Variants in RMDN2 observed in about 807,000 individuals in gnomAD.
The protein encoded by RMDN2 is regulator of microtubule dynamics protein 2.
Under a neutral mutation model 52.8 loss-of-function variants are expected in RMDN2, and 61 were observed. The ratio of observed to expected loss-of-function variants is 1.16; its 90% CI spans 0.94 to 1.43. The LOEUF (loss-of-function observed/expected upper bound fraction) is 1.43, where lower values mean the gene tolerates loss of function less well. Among genes scored for constraint, RMDN2 ranks in the 40% most tolerant of loss-of-function variants. The pLI is 0.00. For missense variants in RMDN2, 592 were observed against 475.3 expected, an observed-to-expected ratio of 1.25 and a Z score of -2.28; for synonymous variants, 180 against 153.1, an observed-to-expected ratio of 1.18 and a Z score of -1.30.
chr2:38,017,142 A>G (rs1273545411), intron 10 of RMDN2, 44 bp from the exon 11 acceptor site: 6 of 1,248,668 alleles, frequency 4.8e-6, no homozygotes, highest in Non-Finnish European at 5.6e-6. Flanking sequence ...GAGTATCAAG[A>G]TGAATGCATG....
chr2:38,045,510 A>G (rs1396711160), intron 10 of RMDN2, among the ~76,000 whole-genome samples: 2 of 152,264 alleles, frequency 1.3e-5, no homozygotes, highest in African/African-American at 4.8e-5. Context: ...CTCACCTTTT[A>G]GAATGGTGGA....
intron 10 of RMDN2, among the ~76,000 whole-genome samples, chr2:38,052,209 T>C (rs1681645241): frequency 6.6e-6 from 1 of 152,300 alleles, no homozygotes; most frequent in East Asian, 1.9e-4. Flanking sequence ...ATAATAGACA[T>C]TGTAACTGTG....
upstream of RMDN2, among the ~76,000 whole-genome samples, chr2:37,921,666 C>T (rs1272342575): frequency 6.6e-6 from 1 of 152,060 alleles, no homozygotes. Context: ...ATGAAGAGTC[C>T]CTTCAAGTGT....
At chr2:37,997,571 C>T (rs774019690) in intron 8 of RMDN2, 57 bp downstream of exon 8, 2 of 1,083,192 alleles carry the variant, frequency 1.8e-6, no homozygotes, top group South Asian at 2.6e-5. Context: ...TGCACCAATC[C>T]CTGCTGCCGT....
At position 37,991,310 on chromosome 2, in the gene RMDN2, C is replaced by T. The variant is rs1159945737; in HGVS notation, c.945+13C>T. ...ATACTGCTATACTGTAAGTTGAATG[C>T]CTTTATTTATAAACTTTATTTGAAT... On this transcript the variant is annotated intron_variant, in intron 7 of 10. Coordinates refer to ENST00000354545, the MANE Select transcript of RMDN2 (RefSeq NM_001170791.3). 4 of 1,331,002 alleles carry T rather than the reference C, an allele frequency of 3.0e-6. No individual in the cohort carries two copies. The South Asian group carries it at 4.8e-5, about 16-fold the overall frequency. 82.4% of individuals were successfully genotyped at this position (1,331,002 alleles called of 1,614,324 possible). A position where few individuals can be genotyped will look rare whatever the true frequency, so the allele number is the denominator to read the frequency against.
At chr2:37,980,305 T>C (rs1673130192) in intron 4 of RMDN2, among the ~76,000 whole-genome samples, 1 of 152,152 alleles carries the variant, frequency 6.6e-6, no homozygotes, top group Non-Finnish European at 1.5e-5. Flanking sequence ...ATTATTATTT[T>C]TGGTTTTTTT....
intron 2 of RMDN2, chr2:37,950,378 C>G: frequency 1.4e-6 from 2 of 1,461,252 alleles, no homozygotes; most frequent in Non-Finnish European, 1.9e-6. Context: ...GAAAGGTGAG[C>G]TACAGAACAG....
At chr2:38,006,981 G>A (rs1573053916) in intron 10 of RMDN2, among the ~76,000 whole-genome samples, 1 of 152,182 alleles carries the variant, frequency 6.6e-6, no homozygotes, top group South Asian at 2.1e-4. Context: ...TTTTGTCCTT[G>A]GTTCTGTTTA....
At chr2:38,041,490 C>T (rs1225708537) in intron 10 of RMDN2, among the ~76,000 whole-genome samples, 1 of 125,676 alleles carries the variant, frequency 8.0e-6, no homozygotes, top group Non-Finnish European at 1.6e-5. Context: ...TTGAATAAGA[C>T]TGGTGAGAGG....
chr2:38,034,577 A>G (rs896132838), intron 10 of RMDN2, among the ~76,000 whole-genome samples: 1 of 152,018 alleles, frequency 6.6e-6, no homozygotes, highest in Non-Finnish European at 1.5e-5. Context: ...ATTATCAAAA[A>G]GGATTAAATT....
At chr2:37,933,002 G>T (rs908955689) in intron 2 of RMDN2, among the ~76,000 whole-genome samples, 2 of 149,884 alleles carry the variant, frequency 1.3e-5, no homozygotes, top group African/African-American at 4.9e-5. Context: ...GGGTGGAGGG[G>T]CTCCTCACTT....
intron 10 of RMDN2, among the ~76,000 whole-genome samples, chr2:38,031,467 T>A (rs1012667855): frequency 6.6e-6 from 1 of 152,020 alleles, no homozygotes; most frequent in African/African-American, 2.4e-5. Flanking sequence ...TTTCCTTTTT[T>A]ATTTTGATGT....
intron 8 of RMDN2, among the ~76,000 whole-genome samples, chr2:38,003,202 A>C (rs1676544509): frequency 6.6e-6 from 1 of 152,208 alleles, no homozygotes; most frequent in Non-Finnish European, 1.5e-5. Flanking sequence ...ATCAAATATT[A>C]ATCTAGTGGA....
chr2:38,055,172 G>A (rs77178840), intron 10 of RMDN2, among the ~76,000 whole-genome samples: 13 of 151,736 alleles, frequency 8.6e-5, no homozygotes, highest in Admixed American at 2.6e-4. Flanking sequence ...TTTCATAGCC[G>A]TCCCCGCTTG....
intron 10 of RMDN2, among the ~76,000 whole-genome samples, chr2:38,007,130 C>T (rs1156841476): frequency 2.0e-5 from 3 of 152,148 alleles, no homozygotes; most frequent in African/African-American, 7.2e-5. Context: ...AGGATTTTTG[C>T]ATCGATGTTC....
chr2:37,938,156 G>A (rs1465667527), intron 2 of RMDN2, among the ~76,000 whole-genome samples: 1 of 152,150 alleles, frequency 6.6e-6, no homozygotes, highest in Non-Finnish European at 1.5e-5. Flanking sequence ...AGATAATCGT[G>A]TGTTTTTTGT....
rs76913410 is a variant in RMDN2, at chr2:37,983,197, G to A, written c.791+1854G>A. On this transcript the variant is annotated intron_variant, in intron 5 of 10. Transcript: ENST00000354545. ...GAATCACATTAAAAATGTGCATTTG[G>A]TGTAAATCGTCAATTTGAGGTTATT... is the stretch of plus-strand genomic sequence containing the variant. Among the ~76,000 whole-genome samples the A allele has an allele frequency of 9.1e-4, 138 of 152,162 alleles. 2 individuals are homozygous for A. In the East Asian group the frequency reaches 0.022, roughly 25 times the overall value.
At chr2:37,979,991 C>G (rs891664567) in intron 4 of RMDN2, among the ~76,000 whole-genome samples, 3 of 152,010 alleles carry the variant, frequency 2.0e-5, no homozygotes, top group Admixed American at 1.3e-4. Context: ...CAATTTATGT[C>G]GATTTCTACA....
chr2:37,967,737 G>A (rs1360534605), intron 2 of RMDN2, among the ~76,000 whole-genome samples: 1 of 152,116 alleles, frequency 6.6e-6, no homozygotes, highest in African/African-American at 2.4e-5. Flanking sequence ...TTCTTTCAGT[G>A]GGAAATCATT....
Sources: gnomAD v4.1 joint callset for allele counts (sites outside exome capture counted in the v4.1 genomes callset) on GRCh38, gnomAD v4.1.1 for gene constraint, MANE v1.5 for transcripts, NCBI Gene and HGNC (gene_info 2026-07-23, HGNC 2026-07-21) for gene names.